SGPP2: variants seen among roughly 807,000 people sequenced by gnomAD.
SGPP2 encodes the protein sphingosine 1-phosphate phosphohydrolase 2.
A neutral mutation model predicts 33.9 loss-of-function variants in SGPP2; 30 were observed. The observed-to-expected ratio is 0.89, with a 90% CI of 0.66 to 1.20. The LOEUF (loss-of-function observed/expected upper bound fraction) is 1.20. SGPP2 is among the 50% of genes most tolerant of loss of function. The pLI, the probability that SGPP2 is intolerant of heterozygous loss-of-function variation, is 0.00. For synonymous variants in SGPP2, 233 were observed against 225.0 expected (o/e 1.04, Z -0.32); for missense variants, 458 against 532.1 (o/e 0.86, Z 1.37).
At chr2:222,557,792 G>A (rs1689440132) in intron 4 of SGPP2, among the ~76,000 whole-genome samples, 1 of 152,212 alleles carries the variant, frequency 6.6e-6, no homozygotes, top group Non-Finnish European at 1.5e-5. Context: ...CTCTGAAGGT[G>A]GGGTAGTAGT....
At chr2:222,458,139 C>T (rs546123901) in intron 1 of SGPP2, among the ~76,000 whole-genome samples, 1 of 152,226 alleles carries the variant, frequency 6.6e-6, no homozygotes, top group South Asian at 2.1e-4. Context: ...CGGCCTCAAC[C>T]TCCCACTTAA....
chr2:222,524,569 C>A (rs992292233), intron 3 of SGPP2, among the ~76,000 whole-genome samples: 2 of 152,218 alleles, frequency 1.3e-5, no homozygotes, highest in African/African-American at 4.8e-5. Flanking sequence ...ATCTACCTTG[C>A]TTCTTGGTCA....
At chr2:222,489,352 G>A (rs1267082830) in intron 2 of SGPP2, among the ~76,000 whole-genome samples, 1 of 151,528 alleles carries the variant, frequency 6.6e-6, no homozygotes, top group Non-Finnish European at 1.5e-5. Context: ...TGGACTAAAA[G>A]TCTCCATTTT....
At chr2:222,529,550 G>A (rs1482316337) in intron 4 of SGPP2, among the ~76,000 whole-genome samples, 1 of 152,160 alleles carries the variant, frequency 6.6e-6, no homozygotes, top group Non-Finnish European at 1.5e-5. Context: ...GGCCAGGCTG[G>A]TCTTGAACCC....
chr2:222,433,583 C>G (rs1271732920), intron 1 of SGPP2, among the ~76,000 whole-genome samples: 2 of 152,162 alleles, frequency 1.3e-5, no homozygotes, highest in African/African-American at 4.8e-5. Flanking sequence ...GCGCTAAACT[C>G]GCCTTTGTCT....
chr2:222,523,575 A>C (rs1023686386), intron 3 of SGPP2, among the ~76,000 whole-genome samples: 6 of 152,212 alleles, frequency 3.9e-5, no homozygotes, highest in African/African-American at 1.4e-4. Context: ...TACATGATGT[A>C]GCAGTTTTCA....
chr2:222,545,019 G>A (rs544268152), intron 4 of SGPP2, among the ~76,000 whole-genome samples: 1 of 152,138 alleles, frequency 6.6e-6, no homozygotes, highest in Non-Finnish European at 1.5e-5. Context: ...AATAGCTAAT[G>A]AAAAATAAAA....
intron 2 of SGPP2, among the ~76,000 whole-genome samples, chr2:222,521,303 G>A (rs1007616222): frequency 3.3e-5 from 5 of 152,204 alleles, no homozygotes; most frequent in African/African-American, 4.8e-5. Context: ...AGGTAGCATC[G>A]TGTGGTAGTT....
At chr2:222,510,919 T>C (rs1255491393) in intron 2 of SGPP2, among the ~76,000 whole-genome samples, 1 of 152,228 alleles carries the variant, frequency 6.6e-6, no homozygotes, top group East Asian at 1.9e-4. Context: ...CTTATATTAA[T>C]GTGGGCCAAA....
intron 1 of SGPP2, among the ~76,000 whole-genome samples, chr2:222,468,816 G>A (rs1461930812): frequency 6.6e-6 from 1 of 152,164 alleles, no homozygotes; most frequent in East Asian, 1.9e-4. Context: ...AAACATTGAA[G>A]GCAGCCTTGC....
intron 1 of SGPP2, chr2:222,453,244 A>T (rs1320729595): frequency 1.3e-6 from 1 of 764,942 alleles, no homozygotes; most frequent in African/African-American, 1.7e-5. Context: ...ATTCTTTACA[A>T]TCAGATGCTT....
intron 1 of SGPP2, among the ~76,000 whole-genome samples, chr2:222,428,927 G>T (rs929206075): frequency 6.6e-6 from 1 of 151,558 alleles, no homozygotes; most frequent in Non-Finnish European, 1.5e-5. Flanking sequence ...AAGTAGCTGG[G>T]ATTACAGGCA....
intron 1 of SGPP2, among the ~76,000 whole-genome samples, chr2:222,440,710 G>C (rs1697311953): frequency 6.6e-6 from 1 of 151,864 alleles, no homozygotes; most frequent in Non-Finnish European, 1.5e-5. Context: ...GTTGCAAGTA[G>C]ATCAAATTTG....
chr2:222,561,774 G>A lies in SGPP2; in HGVS notation c.*2876G>A, dbSNP rs1387651650. ...AGAATGAAAAGTGTATATTGGTGACGCCAACCTCAGTTTCTGAGCACTCCT... is the reference window on the plus strand; with the variant it reads ...AGAATGAAAAGTGTATATTGGTGACACCAACCTCAGTTTCTGAGCACTCCT... On this transcript the variant is annotated 3_prime_UTR_variant, in exon 5 of 5. Coordinates refer to ENST00000321276, the MANE Select transcript of SGPP2 (RefSeq NM_152386.4). 6.6e-6 allele frequency among the ~76,000 whole-genome samples: 1 copy of A among 151,518 alleles called. No homozygotes were observed. Among genetic ancestry groups the A allele is most frequent in the Non-Finnish European group, 1.5e-5 (1 of 67,930 alleles).
At chr2:222,506,899 AG>A (rs1389359852) in intron 2 of SGPP2, among the ~76,000 whole-genome samples, 1 of 152,008 alleles carries the variant, frequency 6.6e-6, no homozygotes, top group East Asian at 1.9e-4. Context: ...ATTAAAAAAA[AG>A]AAATAATCAC....
chr2:222,558,298 C>A, intron 4 of SGPP2, 49 bp from the exon 5 acceptor site: 2 of 1,578,368 alleles, frequency 1.3e-6, no homozygotes, highest in African/African-American at 1.3e-5. Context: ...TACCTGTATA[C>A]AAGGAAACAC....
chr2:222,562,422 C>T lies in SGPP2; in HGVS notation c.*3524C>T, dbSNP rs1483591042. ...CTCCAAAACGTGCCCAGTGATCGCA[C>T]TGTAACATGGGATTTTCTCACCCAA... is the stretch of plus-strand genomic sequence containing the variant. On this transcript the variant is annotated 3_prime_UTR_variant, in exon 5 of 5. Transcript: ENST00000321276. Among the ~76,000 whole-genome samples the T allele has an allele frequency of 6.6e-6, 1 of 152,206 alleles. No homozygotes were observed. Among genetic ancestry groups the T allele is most frequent in the Non-Finnish European group, 1.5e-5 (1 of 68,040 alleles).
intron 1 of SGPP2, among the ~76,000 whole-genome samples, chr2:222,467,985 A>AC (rs1697776209): frequency 7.1e-6 from 1 of 141,192 alleles, no homozygotes; most frequent in African/African-American, 2.8e-5. Flanking sequence ...AAAAAAAAAA[A>AC]AAACAGAGGA....
chr2:222,487,885 G>T (rs1698136344), intron 2 of SGPP2, among the ~76,000 whole-genome samples: 1 of 152,038 alleles, frequency 6.6e-6, no homozygotes, highest in Non-Finnish European at 1.5e-5. Context: ...GTTCCGCTTG[G>T]CAACCTTCAT....
Sources: gnomAD v4.1 joint callset for allele counts (sites outside exome capture counted in the v4.1 genomes callset) on GRCh38, gnomAD v4.1.1 for gene constraint, MANE v1.5 for transcripts, NCBI Gene and HGNC (gene_info 2026-07-23, HGNC 2026-07-21) for gene names.